Variants in ZDHHC11 observed in about 807,000 individuals in gnomAD.
The protein encoded by ZDHHC11 is zDHHC palmitoyltransferase 11.
Under a neutral mutation model 51.3 loss-of-function variants are expected in ZDHHC11, and 44 were observed. That is an observed-to-expected ratio of 0.86 (90% CI 0.67 to 1.10). The LOEUF (loss-of-function observed/expected upper bound fraction) is 1.10. Ranked by LOEUF, ZDHHC11 falls within the 50% of genes least tolerant of loss-of-function variation. ZDHHC11 has a pLI of 0.00. For synonymous variants in ZDHHC11, 163 were observed against 222.0 expected (o/e 0.73, Z 2.36); for missense variants, 400 against 537.7 (o/e 0.74, Z 2.53).
At chr5:836,560 GTTGTA>G (rs1743885852) in intron 6 of ZDHHC11, among the ~76,000 whole-genome samples, 1 of 149,734 alleles carries the variant, frequency 6.7e-6, no homozygotes, top group African/African-American at 2.5e-5. Context: ...CTGTGTGTAG[GTTGTA>G]TTGTATTTTT....
chr5:823,358 CAAA>C (rs1489545867), intron 8 of ZDHHC11: 56 of 151,242 alleles, frequency 3.7e-4, no homozygotes, highest in African/African-American at 1.1e-3. Flanking sequence ...ACACTCATTA[CAAA>C]CCCTTCCATG....
intron 9 of ZDHHC11, among the ~76,000 whole-genome samples, chr5:819,939 G>A (rs1363794514): frequency 1.1e-4 from 17 of 151,224 alleles, no homozygotes; most frequent in African/African-American, 4.1e-4. Flanking sequence ...GTCTACACTG[G>A]GCTACAAGGT....
intron 8 of ZDHHC11, chr5:824,142 C>A (rs531979029): frequency 4.4e-6 from 2 of 451,176 alleles, no homozygotes; most frequent in East Asian, 7.0e-5. Context: ...AGAAGCTGGC[C>A]CCATGACAAA....
rs562762013 is a variant in ZDHHC11, at chr5:817,506, C to G, written c.1146+2019G>C. Among the ~76,000 whole-genome samples the G allele has an allele frequency of 4.9e-4, 75 of 151,556 alleles. 2 individuals carry two copies. In the South Asian group the frequency reaches 0.016, roughly 32 times the overall value. Reference sequence around the variant, plus strand: ...TAAAAACACACTTGAAAAAACATAGCTTTTTAATTTGTTTGAAACAGACCT... The same window carrying G: ...TAAAAACACACTTGAAAAAACATAGGTTTTTAATTTGTTTGAAACAGACCT... On this transcript the variant is annotated intron_variant, in intron 10 of 12. Transcript: ENST00000283441.
intron 11 of ZDHHC11, among the ~76,000 whole-genome samples, chr5:801,698 G>A (rs1164480141): frequency 9.2e-5 from 14 of 151,364 alleles, no homozygotes; most frequent in Non-Finnish European, 1.3e-4. Context: ...AGAAGTGACC[G>A]TGTTGCTGCC....
At chr5:850,073 C>T (rs542280366) in intron 1 of ZDHHC11, among the ~76,000 whole-genome samples, 31 of 152,374 alleles carry the variant, frequency 2.0e-4, no homozygotes, top group South Asian at 1.4e-3. Context: ...CAAAATGCTG[C>T]GCAGGGATTT....
intron 5 of ZDHHC11, among the ~76,000 whole-genome samples, chr5:837,692 G>T (rs1430591752): frequency 1.3e-5 from 2 of 151,940 alleles, no homozygotes; most frequent in African/African-American, 2.4e-5. Flanking sequence ...AGCAGGAGGG[G>T]TCTGCAGCTG....
At chr5:811,570 G>A (rs1740093135) in intron 11 of ZDHHC11, among the ~76,000 whole-genome samples, 1 of 147,592 alleles carries the variant, frequency 6.8e-6, no homozygotes, top group Non-Finnish European at 1.5e-5. Flanking sequence ...AGCTTCTGGG[G>A]CAACTCAGGA....
chr5:802,871 A>AAAAAAAAAAAAC (rs1561228376), intron 11 of ZDHHC11, among the ~76,000 whole-genome samples: 3 of 114,268 alleles, frequency 2.6e-5, no homozygotes, highest in African/African-American at 7.6e-5. Context: ...AAAAAAAAAA[A>AAAAAAAAAAAAC]AAAGCTAAAT....
chr5:797,236 A>G (rs1362414724), intron 12 of ZDHHC11, among the ~76,000 whole-genome samples: 1 of 151,280 alleles, frequency 6.6e-6, no homozygotes, highest in Admixed American at 6.6e-5. Flanking sequence ...GTATATATAT[A>G]TATATTCTTT....
chr5:816,885 G>C, intron 10 of ZDHHC11: 1 of 452,950 alleles, frequency 2.2e-6, no homozygotes, highest in South Asian at 1.9e-5. Context: ...GGGAAGCCAA[G>C]TTCACCAAGT....
At chr5:797,481 T>C (rs1428630634) in intron 12 of ZDHHC11, among the ~76,000 whole-genome samples, 1 of 151,438 alleles carries the variant, frequency 6.6e-6, no homozygotes, top group Non-Finnish European at 1.5e-5. Flanking sequence ...ACATTTTGCG[T>C]TTCTGTCACT....
chr5:849,365 T>C (rs1746792998), intron 1 of ZDHHC11, among the ~76,000 whole-genome samples: 1 of 152,144 alleles, frequency 6.6e-6, no homozygotes, highest in East Asian at 1.9e-4. Flanking sequence ...AGGAGGGACA[T>C]CCCAGGTATA....
At position 850,452 on chromosome 5, in the gene ZDHHC11, C is replaced by T. The variant is rs1747015220; in HGVS notation, c.151G>A (p.Gly51Ser). 1 of 1,613,512 alleles carries T rather than the reference C, an allele frequency of 6.2e-7. No individual in the cohort carries two copies. The highest frequency in any genetic ancestry group is 8.5e-7 in the Non-Finnish European group (1 of 1,180,020). Residue 51 changes from glycine (G) to serine (S), a missense_variant, in exon 1 of 13, where the codon GGC becomes AGC. Coordinates refer to ENST00000283441, the MANE Select transcript of ZDHHC11 (RefSeq NM_024786.3). Reference protein sequence around the residue: ...FQVVTWAVFVGLSSATFGIFI... With the variant: ...FQVVTWAVFVSLSSATFGIFI... The stretch of plus-strand genomic sequence containing the variant: ...ATCCCGAAGGTGGCCGAGGAAAGGC[C>T]CACGAAGACAGCCCAGGTCACCACC...
intron 11 of ZDHHC11, among the ~76,000 whole-genome samples, chr5:813,032 C>T (rs1234254046): frequency 7.0e-6 from 1 of 143,824 alleles, no homozygotes; most frequent in East Asian, 2.1e-4. Flanking sequence ...ATTAAATTCT[C>T]CCCCATCTAA....
At chr5:854,501 C>A (rs1020382202), upstream of ZDHHC11, among the ~76,000 whole-genome samples, 3 of 143,814 alleles carry the variant, frequency 2.1e-5, no homozygotes, top group Admixed American at 2.1e-4. Flanking sequence ...CAGAGGACAG[C>A]GAGCCGGGGG....
rs770437084 is a variant in ZDHHC11, at chr5:801,158, T to G, written c.1188A>C (p.Gln396His). ...TTTTCATGGGCTCTGTTGTTTCTTGTTGCAGCCTGTTTGCAATATTCAGAA... is the reference window on the plus strand; with the variant it reads ...TTTTCATGGGCTCTGTTGTTTCTTGGTGCAGCCTGTTTGCAATATTCAGAA... ...DAPSISTLGL[Q>H]QETTEPMKTD... Residue 396 changes from glutamine (Q) to histidine (H), a missense_variant, in exon 12 of 13, where the codon CAA (glutamine) becomes CAC (histidine). Around this residue, in one of 5 missense-constraint regions of ZDHHC11, gnomAD observed 231 missense variants for 227.4 expected, o/e 1.02. Coordinates refer to ENST00000283441, the MANE Select transcript of ZDHHC11 (RefSeq NM_024786.3). 6.8e-6 allele frequency: 11 copies of G among 1,610,948 alleles called. No individual in the cohort carries two copies. In the South Asian group the frequency reaches 8.8e-5, roughly 13 times the overall value.
intron 1 of ZDHHC11, among the ~76,000 whole-genome samples, chr5:857,455 T>G (rs755321382): frequency 2.0e-5 from 3 of 152,192 alleles, no homozygotes; most frequent in Non-Finnish European, 4.4e-5. Context: ...CAGTCTTTCC[T>G]GTTTCCATCT....
intron 3 of ZDHHC11, among the ~76,000 whole-genome samples, chr5:845,037 T>C (rs1312835695): frequency 1.3e-5 from 2 of 152,300 alleles, no homozygotes; most frequent in African/African-American, 4.8e-5. Flanking sequence ...TATTTTCAAC[T>C]GGAGGCCAGA....
Sources: gnomAD v4.1 joint callset for allele counts (sites outside exome capture counted in the v4.1 genomes callset) on GRCh38, gnomAD v4.1.1 for gene constraint, gnomAD v4.1.1 regional missense constraint, MANE v1.5 for transcripts, NCBI Gene and HGNC (gene_info 2026-07-23, HGNC 2026-07-21) for gene names.